The following LVRN variants were observed in gnomAD, a reference collection of about 807,000 sequenced individuals.
LVRN encodes the protein aminopeptidase Q.
Under a neutral mutation model 111.4 loss-of-function variants are expected in LVRN, and 99 were observed. That is an observed-to-expected ratio of 0.89 (90% CI 0.76 to 1.05). The LOEUF is 1.05. Among genes scored for constraint, LVRN ranks in the 50% least tolerant of loss-of-function variants. The pLI, the probability that LVRN is intolerant of heterozygous loss-of-function variation, is 0.00. For synonymous variants in LVRN, 488 were observed against 449.5 expected, an observed-to-expected ratio of 1.09 and a Z score of -1.08; for missense variants, 1,414 against 1,206.8, an observed-to-expected ratio of 1.17 and a Z score of -2.54.
chr5:116,024,060 T>C (rs1423446857), intron 19 of LVRN, among the ~76,000 whole-genome samples: 1 of 152,282 alleles, frequency 6.6e-6, no homozygotes, highest in Middle Eastern at 3.4e-3. Context: ...GGATCTATAG[T>C]GACAAAGGGC....
chr5:115,990,973 C>A (rs1747973069), intron 4 of LVRN, among the ~76,000 whole-genome samples: 1 of 152,100 alleles, frequency 6.6e-6, no homozygotes, highest in African/African-American at 2.4e-5. Flanking sequence ...TCTTTCCTTT[C>A]TTCTCCCTCC....
intron 6 of LVRN, among the ~76,000 whole-genome samples, chr5:115,996,535 C>A (rs990397598): frequency 6.6e-6 from 1 of 152,114 alleles, no homozygotes; most frequent in Admixed American, 6.5e-5. Context: ...AGAACTTTAA[C>A]CTCCTTTTAA....
chr5:116,024,003 GAT>G (rs1370905438), intron 19 of LVRN, among the ~76,000 whole-genome samples: 3 of 152,324 alleles, frequency 2.0e-5, no homozygotes, highest in Non-Finnish European at 4.4e-5. Context: ...ATATCAAGGT[GAT>G]TATGTTTAGT....
At chr5:115,968,130 A>G (rs995813043) in intron 1 of LVRN, among the ~76,000 whole-genome samples, 5 of 152,318 alleles carry the variant, frequency 3.3e-5, no homozygotes, top group African/African-American at 1.2e-4. Flanking sequence ...TGTGTTAAAC[A>G]TGAGTGGTAA....
At chr5:116,011,017 A>ATCTCTTTTCTTCTTTGTTTGTTG in intron 14 of LVRN, 123 bp downstream of exon 14, 13 of 308,074 alleles carry the variant, frequency 4.2e-5, no homozygotes, top group Non-Finnish European at 6.6e-5. Context: ...ATATATATAT[A>ATCTCTTTTCTTCTTTGTTTGTTG]TATATATATG....
intron 6 of LVRN, among the ~76,000 whole-genome samples, chr5:115,999,040 G>T (rs1372178246): frequency 6.6e-6 from 1 of 152,156 alleles, no homozygotes; most frequent in East Asian, 1.9e-4. Context: ...ATCATGAGGG[G>T]TTCACCTGGC....
chr5:116,003,290 T>C lies in LVRN; in HGVS notation c.1947T>C (p.Ile649=). 1 of 1,575,656 alleles carries C rather than the reference T, an allele frequency of 6.3e-7. No homozygotes were observed. Among genetic ancestry groups the C allele is most frequent in the Non-Finnish European group, 8.6e-7 (1 of 1,156,390 alleles). The part of the protein sequence containing the change: ...QVSDSDHDWV[I]LNLNMTGYYR... ...CAGATTCTGACCATGACTGGGTGAT[T>C]TTGAATTTGAATATGACTGGATATT... Residue 649 remains isoleucine, a synonymous_variant, in exon 12 of 20, where the codon ATT becomes ATC. Coordinates refer to ENST00000357872, the MANE Select transcript of LVRN (RefSeq NM_173800.5).
chr5:116,014,551 C>G, intron 16 of LVRN, 24 bp downstream of exon 16: 1 of 1,574,860 alleles, frequency 6.3e-7, no homozygotes, highest in Non-Finnish European at 8.7e-7. Flanking sequence ...CATAATTCCT[C>G]TTGTTTTTGT....
intron 3 of LVRN, among the ~76,000 whole-genome samples, chr5:115,985,738 T>C (rs1409252782): frequency 6.6e-6 from 1 of 152,220 alleles, no homozygotes; most frequent in African/African-American, 2.4e-5. Flanking sequence ...TAGCTGGTTT[T>C]CACCCAATTA....
intron 18 of LVRN, among the ~76,000 whole-genome samples, chr5:116,017,852 T>A (rs995096367): frequency 8.5e-5 from 13 of 152,378 alleles, no homozygotes; most frequent in African/African-American, 2.9e-4. Context: ...TATCATTCAC[T>A]TTATTTCTTT....
At chr5:116,004,648 T>G (rs1748320989) in intron 12 of LVRN, among the ~76,000 whole-genome samples, 1 of 152,180 alleles carries the variant, frequency 6.6e-6, no homozygotes, top group South Asian at 2.1e-4. Flanking sequence ...CTCCCTTCAG[T>G]ATTCCTGGAG....
Position 116,014,500 on chromosome 5 carries a change from C to T in LVRN, c.2423C>T (p.Ala808Val). The T allele has an allele frequency of 6.2e-7, 1 of 1,613,502 alleles. No homozygotes were observed. Among genetic ancestry groups the T allele is most frequent in the Non-Finnish European group, 8.5e-7 (1 of 1,179,580 alleles). ...CTTCAGCTGTCAAAAGAACTTTTCG[C>T]AAAATGGGTGGATCATCCAGAAAAT... ...DCLQLSKELF[A>V]KWVDHPENEI... Residue 808 changes from alanine (A) to valine (V), a missense_variant, in exon 16 of 20, where the codon GCA becomes GTA. Physicochemically the swap from Ala to Val is moderately conservative, Grantham distance 64 (BLOSUM62 0). Coordinates refer to ENST00000357872, the MANE Select transcript of LVRN (RefSeq NM_173800.5).
At chr5:116,005,773 T>C (rs1461396308) in intron 12 of LVRN, 139 bp from the exon 13 acceptor site, 6 of 723,510 alleles carry the variant, frequency 8.3e-6, no homozygotes, top group Admixed American at 7.9e-5. Context: ...CCTCAGTAAT[T>C]GTTGTTTCTC....
chr5:116,000,942 C>A, intron 9 of LVRN, 125 bp from the exon 10 acceptor site: 1 of 1,074,870 alleles, frequency 9.3e-7, no homozygotes, highest in African/African-American at 1.6e-5. Flanking sequence ...CCCAGAGGAT[C>A]ACCCACTGCA....
chr5:115,968,822 AGT>A (rs1352611477), intron 1 of LVRN, among the ~76,000 whole-genome samples: 8 of 152,214 alleles, frequency 5.3e-5, no homozygotes, highest in Non-Finnish European at 1.0e-4. Flanking sequence ...AGAATGGGCA[AGT>A]GTGACTGAGA....
chr5:115,963,440 G>GTTTTCTT, intron 1 of LVRN, 128 bp downstream of exon 1: 1 of 624,526 alleles, frequency 1.6e-6, no homozygotes, highest in Non-Finnish European at 2.6e-6. Context: ...CCCTTGCGAC[G>GTTTTCTT]TTTTCTTTTT....
chr5:116,003,574 T>G lies in LVRN; in HGVS notation c.2037+194T>G, dbSNP rs1422297904. ...TAAATGTGTTGTCTGTGTGGTTTTT[T>G]TTTGTTTTTTTTGTTTTTTTTTTTT... On this transcript the variant is annotated intron_variant, in intron 12 of 19. Coordinates refer to ENST00000357872, the MANE Select transcript of LVRN (RefSeq NM_173800.5). 4.5e-4 allele frequency among the ~76,000 whole-genome samples: 44 copies of G among 97,158 alleles called. No homozygotes were observed. The Admixed American group carries it at 5.4e-3, about 12-fold the overall frequency. 63.7% of individuals were successfully genotyped at this position (97,158 alleles called of 152,430 possible).
At chr5:116,001,279 G>C in intron 10 of LVRN, 40 bp downstream of exon 10, 1 of 1,605,750 alleles carries the variant, frequency 6.2e-7, no homozygotes, top group Non-Finnish European at 8.5e-7. Flanking sequence ...CCTTCCTTGG[G>C]GTTGAGCTCT....
intron 1 of LVRN, 91 bp downstream of exon 1, chr5:115,963,403 C>T: frequency 3.9e-6 from 4 of 1,013,172 alleles, no homozygotes; most frequent in Non-Finnish European, 5.7e-6. Flanking sequence ...TGTCCAGGTG[C>T]GCGTCTGCTG....
Sources: allele counts gnomAD v4.1 joint callset (sites outside exome capture counted in the v4.1 genomes callset), GRCh38; gene constraint gnomAD v4.1.1; transcripts MANE v1.5; gene names NCBI Gene and HGNC (gene_info 2026-07-23, HGNC 2026-07-21).